Variants in OSBPL9 observed in about 807,000 individuals in gnomAD.
OSBPL9 encodes oxysterol-binding protein-related protein 9.
Under a neutral mutation model 106.6 loss-of-function variants are expected in OSBPL9, and 40 were observed. That is an observed-to-expected ratio of 0.38 (90% CI 0.29 to 0.49). The LOEUF is 0.49. OSBPL9 is among the 20% of genes least tolerant of loss of function. The pLI is 0.97. For missense variants in OSBPL9, 609 were observed against 887.2 expected, an observed-to-expected ratio of 0.69 and a Z score of 3.98; for synonymous variants, 269 against 295.4, an observed-to-expected ratio of 0.91 and a Z score of 0.92.
intron 1 of OSBPL9, among the ~76,000 whole-genome samples, chr1:51,587,738 C>A (rs1468625562): frequency 6.6e-6 from 1 of 152,206 alleles, no homozygotes; most frequent in Non-Finnish European, 1.5e-5. Flanking sequence ...ACTTTGTATT[C>A]TAAATTACTT....
intron 15 of OSBPL9, 67 bp from the exon 16 acceptor site, chr1:51,781,097 G>A (rs1676274877): frequency 4.0e-6 from 6 of 1,494,974 alleles, no homozygotes; most frequent in Non-Finnish European, 5.5e-6. Context: ...ACCATGCTGG[G>A]GGTTGTTGCA....
At chr1:51,764,915 C>G (rs766475486) in intron 11 of OSBPL9, among the ~76,000 whole-genome samples, 8 of 152,168 alleles carry the variant, frequency 5.3e-5, no homozygotes, top group Non-Finnish European at 1.0e-4. Flanking sequence ...TCTTCAATTT[C>G]TTCCAGAACT....
the OSBPL9 span, among the ~76,000 whole-genome samples, chr1:51,568,464 A>C: frequency 6.6e-6 from 1 of 152,174 alleles, no homozygotes; most frequent in Non-Finnish European, 1.5e-5. Flanking sequence ...AAAACTCTAG[A>C]GGGAACTCTA....
At chr1:51,665,179 T>C (rs1648136853) in intron 2 of OSBPL9, among the ~76,000 whole-genome samples, 1 of 152,212 alleles carries the variant, frequency 6.6e-6, no homozygotes, top group Non-Finnish European at 1.5e-5. Flanking sequence ...AGTTTCGCTC[T>C]TGTTTCCCAG....
intron 6 of OSBPL9, 23 bp downstream of exon 6, chr1:51,746,780 T>C: frequency 6.3e-7 from 1 of 1,585,250 alleles, no homozygotes; most frequent in Non-Finnish European, 8.6e-7. Flanking sequence ...ACCGTGCTTT[T>C]GACGTTAAAA....
intron 3 of OSBPL9, among the ~76,000 whole-genome samples, chr1:51,694,009 T>C (rs544256443): frequency 1.3e-5 from 2 of 152,326 alleles, no homozygotes; most frequent in South Asian, 4.1e-4. Flanking sequence ...TTACATTCTG[T>C]TGGAGGAAGC....
chr1:51,703,312 T>C (rs1214629369), intron 3 of OSBPL9, among the ~76,000 whole-genome samples: 1 of 152,228 alleles, frequency 6.6e-6, no homozygotes, highest in East Asian at 1.9e-4. Context: ...TCCTCTTTTA[T>C]TTCATTGAGC....
chr1:51,609,748 ATT>A (rs778782937), intron 2 of OSBPL9, among the ~76,000 whole-genome samples: 26 of 119,248 alleles, frequency 2.2e-4, no homozygotes, highest in Admixed American at 2.5e-4. Context: ...CTGAATGTCT[ATT>A]TTTTTTTTTT....
chr1:51,716,046 A>G (rs1013155919), intron 4 of OSBPL9, among the ~76,000 whole-genome samples: 1 of 152,188 alleles, frequency 6.6e-6, no homozygotes, highest in Admixed American at 6.5e-5. Context: ...ACTAGATCCA[A>G]TATTGGAATT....
At chr1:51,567,682 A>G in the OSBPL9 span, 1 of 152,242 alleles carries the variant, frequency 6.6e-6, no homozygotes. Context: ...AGATTTTGTA[A>G]GAATTAAATG....
At chr1:51,615,627 A>G (rs1450801567), upstream of OSBPL9, among the ~76,000 whole-genome samples, 3 of 152,168 alleles carry the variant, frequency 2.0e-5, no homozygotes, top group African/African-American at 7.2e-5. Flanking sequence ...ATAATTTTAA[A>G]AAAGGACAAA....
At chr1:51,707,976 A>G (rs1658962889) in intron 3 of OSBPL9, 2 of 250,430 alleles carry the variant, frequency 8.0e-6, no homozygotes, top group Non-Finnish European at 1.6e-5. Flanking sequence ...TGATGCTGCC[A>G]TGGAACTTGC....
the OSBPL9 span, among the ~76,000 whole-genome samples, chr1:51,533,718 T>G: frequency 6.6e-6 from 1 of 151,690 alleles, no homozygotes; most frequent in Non-Finnish European, 1.5e-5. Context: ...AAAACAGAGG[T>G]TGGAGTGCAG....
chr1:51,532,813 G>A, the OSBPL9 span, among the ~76,000 whole-genome samples: 1 of 152,152 alleles, frequency 6.6e-6, no homozygotes, highest in Non-Finnish European at 1.5e-5. Context: ...ACACAAGATA[G>A]TTGAGGAATG....
intron 3 of OSBPL9, among the ~76,000 whole-genome samples, chr1:51,672,171 GGC>G (rs1449930371): frequency 1.3e-5 from 2 of 152,140 alleles, no homozygotes; most frequent in African/African-American, 2.4e-5. Context: ...GGATGACTCT[GGC>G]CACTGTGTTG....
At position 51,703,959 on chromosome 1, in the gene OSBPL9, A is replaced by T. The variant is rs565057566; in HGVS notation, c.242-10044A>T. ...ACGTTTATTGATTTGCATATGTTGA[A>T]CCAGCCTTGCATCCCAGGGATGAAG... On this transcript the variant is annotated intron_variant, in intron 3 of 23. Transcript: ENST00000428468. Among the ~76,000 whole-genome samples, 32 of 152,300 alleles carry T rather than the reference A, an allele frequency of 2.1e-4. No individual in the cohort carries two copies. In the East Asian group the frequency reaches 2.3e-3, roughly 11 times the overall value.
chr1:51,773,939 GGCGTTGTTGTTGTTGTTGTT>G (rs1334554450), intron 14 of OSBPL9, among the ~76,000 whole-genome samples: 1 of 89,034 alleles, frequency 1.1e-5, no homozygotes, highest in Non-Finnish European at 2.3e-5. Flanking sequence ...TACAGCTGCT[GGCGTTGTTGTTGTTGTTGTT>G]GTTGTTGTTG....
chr1:51,687,416 A>C (rs569015656), intron 3 of OSBPL9, among the ~76,000 whole-genome samples: 2 of 152,378 alleles, frequency 1.3e-5, no homozygotes, highest in East Asian at 3.9e-4. Context: ...ATTTGGAACA[A>C]ATAATTACAG....
the OSBPL9 span, among the ~76,000 whole-genome samples, chr1:51,558,305 A>C: frequency 1.3e-5 from 2 of 151,798 alleles, no homozygotes; most frequent in African/African-American, 4.8e-5. Context: ...AGATAATAAC[A>C]GCCCCTTCCC....
Sources: gnomAD v4.1 joint callset for allele counts (sites outside exome capture counted in the v4.1 genomes callset) on GRCh38, gnomAD v4.1.1 for gene constraint, MANE v1.5 for transcripts, NCBI Gene and HGNC (gene_info 2026-07-23, HGNC 2026-07-21) for gene names.